BMPER: variants seen among roughly 807,000 people sequenced by gnomAD.
BMPER encodes BMP-binding endothelial regulator protein.
In BMPER, 45 loss-of-function variants were observed where a neutral mutation model predicts 87.3. The observed-to-expected ratio is 0.52, with a 90% CI of 0.41 to 0.66. BMPER has a LOEUF of 0.66. Among genes scored for constraint, BMPER ranks in the 30% least tolerant of loss-of-function variants. The pLI is 0.00. For synonymous variants in BMPER, 326 were observed against 316.2 expected, an observed-to-expected ratio of 1.03 and a Z score of -0.33; for missense variants, 784 against 867.5, an observed-to-expected ratio of 0.90 and a Z score of 1.21.
intron 2 of BMPER, among the ~76,000 whole-genome samples, chr7:33,921,342 T>C (rs1397265380): frequency 6.6e-6 from 1 of 152,210 alleles, no homozygotes; most frequent in Non-Finnish European, 1.5e-5. Context: ...CTGGCATTCT[T>C]AAGAAACCAG....
intron 6 of BMPER, among the ~76,000 whole-genome samples, chr7:34,024,384 A>AT (rs1787293391): frequency 2.6e-4 from 6 of 23,432 alleles, no homozygotes; most frequent in East Asian, 1.6e-3. Flanking sequence ...AAAAAAAAAC[A>AT]ATATATATAT....
At chr7:34,068,720 A>T (rs890309076) in intron 11 of BMPER, among the ~76,000 whole-genome samples, 10 of 152,102 alleles carry the variant, frequency 6.6e-5, no homozygotes, top group Non-Finnish European at 1.5e-4. Context: ...ACTTGAAATA[A>T]CTCTGTATAT....
chr7:34,112,492 C>A (rs57555952), intron 13 of BMPER, among the ~76,000 whole-genome samples: 1 of 57,338 alleles, frequency 1.7e-5, no homozygotes, highest in Non-Finnish European at 3.3e-5. Flanking sequence ...GAGACTCCGT[C>A]TCAGAAAAAA....
At chr7:34,029,782 G>A (rs1227528288) in intron 6 of BMPER, among the ~76,000 whole-genome samples, 3 of 152,044 alleles carry the variant, frequency 2.0e-5, no homozygotes, top group Non-Finnish European at 4.4e-5. Flanking sequence ...TATTCCTCAG[G>A]ATAGCCTACA....
chr7:33,922,526 G>T lies in BMPER; in HGVS notation c.220-14763G>T, dbSNP rs974566053. ...TGTTTTGTTTTGTATTAGGCTTTTAGAATCCTGAAGTCATGGTTTTTAGTT... is the reference window on the plus strand; with the variant it reads ...TGTTTTGTTTTGTATTAGGCTTTTATAATCCTGAAGTCATGGTTTTTAGTT... On this transcript the variant is annotated intron_variant, in intron 2 of 14. Coordinates refer to ENST00000649409, the MANE Select transcript of BMPER (RefSeq NM_001365308.1). 3.3e-5 allele frequency among the ~76,000 whole-genome samples: 5 copies of T among 152,270 alleles called. No homozygotes were observed. In the East Asian group the frequency reaches 9.6e-4, roughly 29 times the overall value.
intron 6 of BMPER, among the ~76,000 whole-genome samples, chr7:34,045,434 G>T (rs1172030345): frequency 6.6e-6 from 1 of 152,114 alleles, no homozygotes; most frequent in Non-Finnish European, 1.5e-5. Flanking sequence ...ATATCCTTAG[G>T]CAGGGAAGAG....
Position 33,905,634 on chromosome 7 carries a change from C to T in BMPER, c.21C>T (p.Val7=). Residue 7 remains valine, a synonymous_variant, in exon 1 of 15, where the codon GTC becomes GTT. Transcript: ENST00000649409. MLWFSG[V]GALAERYCRR... is the part of the protein sequence containing the mutation. Reference sequence around the variant, plus strand: ...TGACGATGCTCTGGTTCTCCGGCGTCGGGGCTCTGGCTGAGCGTTACTGCC... The same window carrying T: ...TGACGATGCTCTGGTTCTCCGGCGTTGGGGCTCTGGCTGAGCGTTACTGCC... 6.2e-7 allele frequency: 1 copy of T among 1,613,080 alleles called. No homozygotes were observed. Among genetic ancestry groups the T allele is most frequent in the Non-Finnish European group, 8.5e-7 (1 of 1,179,926 alleles).
chr7:33,988,801 T>G (rs1328591263), intron 6 of BMPER, among the ~76,000 whole-genome samples: 1 of 115,768 alleles, frequency 8.6e-6, no homozygotes, highest in Non-Finnish European at 1.7e-5. Context: ...GAGTGTGATA[T>G]TCCCCTTTCT....
At chr7:33,978,917 G>A (rs1482042344) in intron 6 of BMPER, among the ~76,000 whole-genome samples, 1 of 152,044 alleles carries the variant, frequency 6.6e-6, no homozygotes, top group Admixed American at 6.6e-5. Flanking sequence ...ATGGTTGTAC[G>A]AGTACTAAAA....
intron 6 of BMPER, among the ~76,000 whole-genome samples, chr7:34,004,425 C>T (rs1386969853): frequency 3.9e-5 from 6 of 152,038 alleles, no homozygotes; most frequent in Admixed American, 6.6e-5. Flanking sequence ...CTTTATGTGT[C>T]GTCAAATAAA....
At chr7:33,971,122 G>GTT (rs77460155) in intron 5 of BMPER, among the ~76,000 whole-genome samples, 2 of 145,132 alleles carry the variant, frequency 1.4e-5, no homozygotes, top group Admixed American at 6.9e-5. Context: ...TTGTTTTTTT[G>GTT]TTTTTTTTTT....
chr7:34,045,068 C>G (rs1447172677), intron 6 of BMPER, among the ~76,000 whole-genome samples: 1 of 152,096 alleles, frequency 6.6e-6, no homozygotes, highest in African/African-American at 2.4e-5. Context: ...TTTCCTGAGG[C>G]CTCTTGAGAT....
chr7:33,970,718 T>A (rs1339726003), intron 5 of BMPER, among the ~76,000 whole-genome samples: 1 of 152,182 alleles, frequency 6.6e-6, no homozygotes, highest in Non-Finnish European at 1.5e-5. Context: ...TTCTCTGGCT[T>A]CCAGAGATGT....
chr7:34,149,515 G>A (rs1259542396), intron 14 of BMPER, among the ~76,000 whole-genome samples: 2 of 152,102 alleles, frequency 1.3e-5, no homozygotes, highest in Non-Finnish European at 2.9e-5. Flanking sequence ...GTCTCTAACT[G>A]GAAGTCAGAG....
At chr7:34,006,614 A>G (rs1223082421) in intron 6 of BMPER, among the ~76,000 whole-genome samples, 4 of 152,032 alleles carry the variant, frequency 2.6e-5, no homozygotes, top group Admixed American at 6.6e-5. Flanking sequence ...TAGGAAGCAT[A>G]TTGTGCTTAA....
chr7:33,983,475 G>A (rs1437835393), intron 6 of BMPER, among the ~76,000 whole-genome samples: 2 of 152,112 alleles, frequency 1.3e-5, no homozygotes, highest in Non-Finnish European at 2.9e-5. Flanking sequence ...ATTGATAATG[G>A]TTATTATTAC....
intron 6 of BMPER, 25 bp downstream of exon 6, chr7:33,974,809 A>C (rs1322858517): frequency 6.2e-7 from 1 of 1,609,306 alleles, no homozygotes; most frequent in Non-Finnish European, 8.5e-7. Context: ...GGATGTTCCC[A>C]GGGTGTCCTT....
chr7:33,969,692 T>C (rs1003803804), intron 4 of BMPER, among the ~76,000 whole-genome samples: 3 of 152,208 alleles, frequency 2.0e-5, no homozygotes, highest in Non-Finnish European at 4.4e-5. Flanking sequence ...AGCCACTGCG[T>C]CCGGCCACTT....
At chr7:34,114,458 C>T (rs894746687) in intron 13 of BMPER, among the ~76,000 whole-genome samples, 10 of 152,180 alleles carry the variant, frequency 6.6e-5, no homozygotes, top group African/African-American at 2.2e-4. Flanking sequence ...TTCATAAATT[C>T]GTTCAAAAGT....
Sources: allele counts gnomAD v4.1 joint callset (sites outside exome capture counted in the v4.1 genomes callset), GRCh38; gene constraint gnomAD v4.1.1; transcripts MANE v1.5; gene names NCBI Gene and HGNC (gene_info 2026-07-23, HGNC 2026-07-21).